Variants in DPP10 observed in about 807,000 individuals in gnomAD.
DPP10 encodes inactive dipeptidyl peptidase 10.
A neutral mutation model predicts 120.9 loss-of-function variants in DPP10; 33 were observed. The observed-to-expected ratio is 0.27, with a 90% CI of 0.21 to 0.37. The LOEUF (loss-of-function observed/expected upper bound fraction) is 0.37, where lower values mean the gene tolerates loss of function less well. Among genes scored for constraint, DPP10 ranks in the 10% least tolerant of loss-of-function variants. The pLI, the probability that DPP10 is intolerant of heterozygous loss-of-function variation, is 1.00. For missense variants in DPP10, 816 were observed against 942.8 expected, an observed-to-expected ratio of 0.87 and a Z score of 1.76; for synonymous variants, 337 against 326.1, an observed-to-expected ratio of 1.03 and a Z score of -0.36.
chr2:115,122,085 C>CT (rs1022162882), intron 1 of DPP10, among the ~76,000 whole-genome samples: 2 of 152,156 alleles, frequency 1.3e-5, no homozygotes, highest in African/African-American at 4.8e-5. Flanking sequence ...TTCCTAACAT[C>CT]TTTTTCCTGC....
At chr2:114,701,896 T>A (rs948417675) in intron 1 of DPP10, among the ~76,000 whole-genome samples, 3 of 152,150 alleles carry the variant, frequency 2.0e-5, no homozygotes, top group Non-Finnish European at 1.5e-5. Context: ...ATGAAAAATT[T>A]AAATAACAAA....
chr2:114,733,369 A>G (rs570929181), intron 1 of DPP10, among the ~76,000 whole-genome samples: 1 of 152,236 alleles, frequency 6.6e-6, no homozygotes, highest in East Asian at 1.9e-4. Context: ...TTTGGCTGGG[A>G]ATGGTGGTGA....
chr2:115,440,525 G>A (rs1393246166), intron 3 of DPP10, among the ~76,000 whole-genome samples: 1 of 152,158 alleles, frequency 6.6e-6, no homozygotes. Context: ...CACACTATGA[G>A]ATGAATCAAG....
chr2:114,571,159 T>C (rs1247431757), intron 1 of DPP10, among the ~76,000 whole-genome samples: 1 of 152,180 alleles, frequency 6.6e-6, no homozygotes, highest in Non-Finnish European at 1.5e-5. Flanking sequence ...TAATCTCCAG[T>C]GCTGGAGACG....
At chr2:115,567,927 G>A (rs1328905447) in intron 5 of DPP10, among the ~76,000 whole-genome samples, 1 of 152,202 alleles carries the variant, frequency 6.6e-6, no homozygotes, top group Non-Finnish European at 1.5e-5. Flanking sequence ...TGTAATCCCA[G>A]CACTTTGGGA....
intron 1 of DPP10, among the ~76,000 whole-genome samples, chr2:114,890,354 A>C (rs1692438531): frequency 6.6e-6 from 1 of 152,234 alleles, no homozygotes; most frequent in Non-Finnish European, 1.5e-5. Flanking sequence ...AGCAATTCTG[A>C]AAGGAAGATA....
At chr2:115,686,398 G>A (rs1207010072) in intron 5 of DPP10, among the ~76,000 whole-genome samples, 2 of 152,042 alleles carry the variant, frequency 1.3e-5, no homozygotes, top group East Asian at 3.9e-4. Context: ...CAAATATGAA[G>A]TAGGTTATAG....
At chr2:115,457,786 T>A (rs1240188239) in intron 3 of DPP10, among the ~76,000 whole-genome samples, 2 of 152,148 alleles carry the variant, frequency 1.3e-5, no homozygotes, top group Non-Finnish European at 2.9e-5. Flanking sequence ...ACTTATTACA[T>A]AACCCAGTAA....
At chr2:114,585,743 G>A (rs1690921186) in intron 1 of DPP10, among the ~76,000 whole-genome samples, 1 of 152,270 alleles carries the variant, frequency 6.6e-6, no homozygotes, top group African/African-American at 2.4e-5. Flanking sequence ...TGATGGTGGC[G>A]ATTACCACCA....
chr2:114,522,927 C>T lies in DPP10; in HGVS notation c.60+80089C>T, dbSNP rs542334709. 2.6e-5 allele frequency among the ~76,000 whole-genome samples: 4 copies of T among 152,300 alleles called. No individual in the cohort carries two copies. In the East Asian group the frequency reaches 7.7e-4, roughly 29 times the overall value. On this transcript the variant is annotated intron_variant, in intron 1 of 25. Coordinates refer to ENST00000410059, the MANE Select transcript of DPP10 (RefSeq NM_020868.6). ...ATGAGAACAGCATGGAAAAAACTTG[C>T]CACCATGATTCAATTACCTCCCGCT...
chr2:115,564,986 G>A (rs865907084), intron 5 of DPP10, among the ~76,000 whole-genome samples: 1 of 152,088 alleles, frequency 6.6e-6, no homozygotes. Context: ...GAGGGTGAGT[G>A]ATTACTGGAG....
chr2:115,678,097 T>G lies in DPP10; in HGVS notation c.442-11590T>G, dbSNP rs576345790. Among the ~76,000 whole-genome samples, 10 of 152,302 alleles carry G rather than the reference T, an allele frequency of 6.6e-5. No individual in the cohort carries two copies. In the South Asian group the frequency reaches 1.4e-3, roughly 22 times the overall value. ...AGCAGAGCATAAAACTTTAGAAAAT[T>G]TTCAGTCTGATGATGCAATAGAAAA... On this transcript the variant is annotated intron_variant, in intron 5 of 25. Transcript: ENST00000410059.
chr2:115,812,346 G>C (rs1440582326), intron 19 of DPP10, among the ~76,000 whole-genome samples: 2 of 152,108 alleles, frequency 1.3e-5, no homozygotes, highest in Non-Finnish European at 2.9e-5. Context: ...CCCTGAAGAA[G>C]GTCTACTTCA....
chr2:114,753,777 C>T (rs572350764), intron 1 of DPP10, among the ~76,000 whole-genome samples: 120 of 151,570 alleles, frequency 7.9e-4, no homozygotes, highest in African/African-American at 2.7e-3. Flanking sequence ...GGCGTGGTGG[C>T]GGGCGACTGT....
intron 4 of DPP10, among the ~76,000 whole-genome samples, chr2:115,517,124 A>G (rs776896584): frequency 6.6e-6 from 1 of 152,100 alleles, no homozygotes; most frequent in Non-Finnish European, 1.5e-5. Context: ...TATATACCAT[A>G]AGGAAGCAAT....
intron 1 of DPP10, among the ~76,000 whole-genome samples, chr2:114,544,052 A>G (rs1687171432): frequency 6.6e-6 from 1 of 152,178 alleles, no homozygotes; most frequent in Non-Finnish European, 1.5e-5. Context: ...AAAAGAAAAA[A>G]TCCTTGCCCT....
intron 1 of DPP10, among the ~76,000 whole-genome samples, chr2:114,980,259 C>T (rs1232608732): frequency 6.6e-6 from 1 of 152,034 alleles, no homozygotes; most frequent in Non-Finnish European, 1.5e-5. Flanking sequence ...TAATTTGTGA[C>T]TGTGTGTGTT....
At chr2:115,056,370 T>A (rs1004224167) in intron 1 of DPP10, among the ~76,000 whole-genome samples, 1 of 152,016 alleles carries the variant, frequency 6.6e-6, no homozygotes, top group African/African-American at 2.4e-5. Context: ...TCTGAATAGC[T>A]TTTTTTTCTT....
rs546683556 is a variant in DPP10 at position 114,837,090 on chromosome 2, A to T, written c.60+394252A>T. Among the ~76,000 whole-genome samples the T allele has an allele frequency of 6.6e-5, 10 of 152,268 alleles. No individual in the cohort carries two copies. The East Asian group carries it at 1.9e-3, about 29-fold the overall frequency. The stretch of plus-strand genomic sequence containing the variant: ...AATCATCACAGGGTCATGAGGTGAC[A>T]TACATCCTCCTCAGTTTACAAGATG... On this transcript the variant is annotated intron_variant, in intron 1 of 25. Coordinates refer to ENST00000410059, the MANE Select transcript of DPP10 (RefSeq NM_020868.6).
Sources: gnomAD v4.1 joint callset for allele counts (sites outside exome capture counted in the v4.1 genomes callset) on GRCh38, gnomAD v4.1.1 for gene constraint, MANE v1.5 for transcripts, NCBI Gene and HGNC (gene_info 2026-07-23, HGNC 2026-07-21) for gene names.